CLIP1: variants seen among roughly 807,000 people sequenced by gnomAD.
CLIP1 encodes CAP-Gly domain containing linker protein 1.
In CLIP1, 66 loss-of-function variants were observed where a neutral mutation model predicts 161.6. The observed-to-expected ratio is 0.41, with a 90% CI of 0.33 to 0.50. CLIP1 has a LOEUF of 0.50. Among genes scored for constraint, CLIP1 ranks in the 20% least tolerant of loss-of-function variants. CLIP1 has a pLI of 0.27. For missense variants in CLIP1, 1,376 were observed against 1,702.0 expected, an observed-to-expected ratio of 0.81 and a Z score of 3.37; for synonymous variants, 598 against 626.2, an observed-to-expected ratio of 0.96 and a Z score of 0.67.
intron 1 of CLIP1, chr12:122,395,824 C>T (rs1009806475): frequency 6.6e-6 from 1 of 152,154 alleles, no homozygotes. Flanking sequence ...TACATTTAAG[C>T]ATCCCCGCCA....
intron 1 of CLIP1, among the ~76,000 whole-genome samples, chr12:122,406,907 C>G (rs1169793585): frequency 6.6e-6 from 1 of 150,900 alleles, no homozygotes; most frequent in Non-Finnish European, 1.5e-5. Context: ...AAATAAAGAG[C>G]CTCCCAATGT....
rs1954818611 is a variant in CLIP1, at chr12:122,377,860, C to T, written c.186G>A (p.Glu62=). 1 of 1,613,864 alleles carries T rather than the reference C, an allele frequency of 6.2e-7. No individual in the cohort carries two copies. The highest frequency in any genetic ancestry group is 1.3e-5 in the African/African-American group (1 of 74,884). Residue 62 remains glutamate (E), a synonymous_variant, in exon 3 of 26, where the codon GAG becomes GAA. Transcript: ENST00000620786. ...GCTTATTTCCATTCACCCAAACTCGCTCCCCAACTCGAAAGTCATCCACAA... is the reference window on the plus strand; with the variant it reads ...GCTTATTTCCATTCACCCAAACTCGTTCCCCAACTCGAAAGTCATCCACAA... ...EEFVDDFRVG[E]RVWVNGNKPG...
intron 14 of CLIP1, 36 bp from the exon 15 acceptor site, chr12:122,333,179 T>G: frequency 6.6e-7 from 1 of 1,520,958 alleles, no homozygotes; most frequent in South Asian, 1.2e-5. Flanking sequence ...AGCACGGCTG[T>G]GTTATATCAA....
intron 1 of CLIP1, among the ~76,000 whole-genome samples, chr12:122,407,748 CAAAAAAAAAAAAAA>C (rs35500806): frequency 1.0e-4 from 4 of 38,334 alleles, no homozygotes; most frequent in Non-Finnish European, 1.6e-4. Context: ...GACCCTGTCT[CAAAAAAAAAAAAAA>C]AAAAAAAAAA....
chr12:122,301,266 G>C (rs1474473713), intron 20 of CLIP1, among the ~76,000 whole-genome samples: 4 of 152,170 alleles, frequency 2.6e-5, no homozygotes, highest in Admixed American at 1.3e-4. Flanking sequence ...TAAACTCCCT[G>C]AATTTCATGA....
intron 21 of CLIP1, among the ~76,000 whole-genome samples, chr12:122,287,573 C>T (rs1955909548): frequency 6.6e-6 from 1 of 152,144 alleles, no homozygotes; most frequent in East Asian, 1.9e-4. Context: ...CTGCTTGGAC[C>T]GTGTAGCACA....
At chr12:122,293,730 G>A (rs61954384) in intron 20 of CLIP1, among the ~76,000 whole-genome samples, 9,064 of 151,662 alleles carry the variant, frequency 0.06, 892 homozygotes, top group African/African-American at 0.21. Context: ...CGCCCGCCTC[G>A]GCCTCCCAAA....
At position 122,377,404 on chromosome 12, in the gene CLIP1, G is replaced by C. The variant is rs373032454; in HGVS notation, c.642C>G (p.Ile214Met). ...SIKKGERELKIGDRVLVGGTK... is the reference protein window; with the variant it reads ...SIKKGERELKMGDRVLVGGTK... ...CTCTACTCACCAATACTCTGTCTCC[G>C]ATTTTGAGCTCTCTTTCTCCTTTCT... The change falls in exon 3 of 26, where the codon ATC becomes ATG. Residue 214 changes from isoleucine (I) to methionine (M), a missense_variant. By Grantham distance (10) the Ile-to-Met change is conservative. This residue lies in a region of CLIP1 where 211 missense variants were observed against 295.1 expected (regional missense o/e 0.72). Transcript: ENST00000620786. 3.7e-6 allele frequency: 6 copies of C among 1,613,394 alleles called. No individual in the cohort carries two copies. Among genetic ancestry groups the C allele is most frequent in the Non-Finnish European group, 5.1e-6 (6 of 1,179,680 alleles).
At chr12:122,358,011 G>A (rs183136582) in intron 5 of CLIP1, among the ~76,000 whole-genome samples, 7 of 152,356 alleles carry the variant, frequency 4.6e-5, no homozygotes, top group Admixed American at 4.6e-4. Context: ...GGAAAGGTGG[G>A]GAAAAGATTG....
At chr12:122,418,862 T>C (rs1202410754) in intron 1 of CLIP1, among the ~76,000 whole-genome samples, 2 of 152,216 alleles carry the variant, frequency 1.3e-5, no homozygotes, top group African/African-American at 4.8e-5. Flanking sequence ...AAAACACATT[T>C]GACCTCTCAG....
At chr12:122,384,005 T>C (rs1955127115) in intron 1 of CLIP1, among the ~76,000 whole-genome samples, 1 of 152,156 alleles carries the variant, frequency 6.6e-6, no homozygotes, top group South Asian at 2.1e-4. Flanking sequence ...AACATTATAA[T>C]TCAGAAATAA....
intron 15 of CLIP1, among the ~76,000 whole-genome samples, chr12:122,331,175 C>A (rs1237793905): frequency 6.6e-6 from 1 of 151,316 alleles, no homozygotes; most frequent in African/African-American, 2.4e-5. Context: ...CCACCATACC[C>A]GGCTAATTTT....
chr12:122,404,582 A>G (rs1593257303), intron 1 of CLIP1, among the ~76,000 whole-genome samples: 2 of 151,808 alleles, frequency 1.3e-5, no homozygotes, highest in Admixed American at 1.3e-4. Context: ...CCTGGGCAAC[A>G]GAGCAAGACT....
Position 122,393,984 on chromosome 12 carries a change from G to C in CLIP1, c.-106-13426C>G, listed in dbSNP as rs184083420. On this transcript the variant is annotated intron_variant, in intron 1 of 25. Coordinates refer to ENST00000620786, the MANE Select transcript of CLIP1 (RefSeq NM_001247997.2). ...TAGGGACATGTGACTGTTTCGGAGG[G>C]GGAAAAACAGAGAACACACAGGGCA... Among the ~76,000 whole-genome samples the C allele has an allele frequency of 1.7e-4, 26 of 150,936 alleles. No homozygotes were observed. In the Admixed American group the frequency reaches 1.7e-3, roughly 10 times the overall value.
chr12:122,293,813 G>GTT (rs111421007), intron 20 of CLIP1, among the ~76,000 whole-genome samples: 5,358 of 130,844 alleles, frequency 0.041, 351 homozygotes, highest in African/African-American at 0.14. Flanking sequence ...TTTGTTTTTT[G>GTT]TTTTTTTTTG....
intron 20 of CLIP1, among the ~76,000 whole-genome samples, chr12:122,304,933 G>A (rs1300245587): frequency 6.6e-6 from 1 of 152,144 alleles, no homozygotes; most frequent in African/African-American, 2.4e-5. Flanking sequence ...TGGGAATTCA[G>A]GCTCATTTAA....
chr12:122,363,963 T>C lies in CLIP1; in HGVS notation c.782+20A>G. The C allele has an allele frequency of 1.9e-6, 3 of 1,614,012 alleles. No individual in the cohort carries two copies. The highest frequency in any genetic ancestry group is 2.2e-5 in the East Asian group (1 of 44,884). On this transcript the variant is annotated intron_variant, in intron 4 of 25. Transcript: ENST00000620786. The stretch of plus-strand genomic sequence containing the variant: ...TCACGTACAAGAGTGACACAAGATG[T>C]TGCACAACGCCAAACAAACCTTGTT...
chr12:122,299,428 C>T (rs963665158), intron 20 of CLIP1, among the ~76,000 whole-genome samples: 50 of 151,942 alleles, frequency 3.3e-4, no homozygotes, highest in African/African-American at 9.9e-4. Context: ...TGGACCATTT[C>T]CTAAACGTAA....
At chr12:122,292,190 A>G (rs1487995061) in intron 20 of CLIP1, among the ~76,000 whole-genome samples, 1 of 148,392 alleles carries the variant, frequency 6.7e-6, no homozygotes, top group Non-Finnish European at 1.5e-5. Context: ...TTTAGTAGAG[A>G]TGGAGTTTCA....
Sources: allele counts gnomAD v4.1 joint callset (sites outside exome capture counted in the v4.1 genomes callset), GRCh38; gene constraint gnomAD v4.1.1; regional missense constraint gnomAD v4.1.1; transcripts MANE v1.5; gene names NCBI Gene and HGNC (gene_info 2026-07-23, HGNC 2026-07-21).